KRTAP10-2: variants seen among roughly 807,000 people sequenced by gnomAD.
The protein encoded by KRTAP10-2 is keratin associated protein 10-2.
For synonymous variants in KRTAP10-2, 134 were observed against 135.5 expected, an observed-to-expected ratio of 0.99 and a Z score of 0.08; for missense variants, 295 against 319.5, an observed-to-expected ratio of 0.92 and a Z score of 0.58.
In KRTAP10-2 at chr21:44,550,698, C is replaced by T. The variant is rs782733313; in HGVS notation, c.761G>A (p.Ser254Asn). The T allele has an allele frequency of 6.2e-7, 1 of 1,613,756 alleles. No individual in the cohort carries two copies. Among genetic ancestry groups the T allele is most frequent in the Non-Finnish European group, 8.5e-7 (1 of 1,179,932 alleles). ...CCCTGGGGGACATGGCCATCAGCAG[C>T]TAGACTTTTGGCCTGAGGAAAAGCT... The part of the protein sequence containing the change: ...SCSFSSGQKS[S>N]C Residue 254 changes from serine (S) to asparagine (N), a missense_variant, in exon 1 of 1, where the codon AGC (serine) becomes AAC (asparagine). Transcript: ENST00000391621.
rs1555918800 is a variant in KRTAP10-2 at position 44,551,227 on chromosome 21, A to G, written c.232T>C (p.Ser78Pro). The change falls in exon 1 of 1, where the codon TCG (serine) becomes CCG (proline). Residue 78 changes from serine to proline, a missense_variant. Coordinates refer to ENST00000391621, the MANE Select transcript of KRTAP10-2 (RefSeq NM_198693.4). ...TGGCAGCTAGACTGCTGGCAGCACG[A>G]GGGCGTGCAGGAGCTGGTGCAGCCT... The part of the protein sequence containing the change: ...QSGCTSSCTP[S>P]CCQQSSCQPA... 1.2e-6 allele frequency: 2 copies of G among 1,613,998 alleles called. No homozygotes were observed. Among genetic ancestry groups the G allele is most frequent in the Non-Finnish European group, 8.5e-7 (1 of 1,179,944 alleles).
In KRTAP10-2 at chr21:44,550,602, G is replaced by C. The variant is rs587707666; in HGVS notation, c.*89C>G. The C allele has an allele frequency of 1.5e-4, 239 of 1,552,680 alleles. No homozygotes were observed. The highest frequency in any genetic ancestry group is 1.2e-3 in the Middle Eastern group (5 of 4,330). ...TGGCTGGGGCTGCTCCTTCTGTGCT[G>C]AGCTGTGCTGAGGCTGGGTGGGCTG... On this transcript the variant is annotated 3_prime_UTR_variant, in exon 1 of 1. Coordinates refer to ENST00000391621, the MANE Select transcript of KRTAP10-2 (RefSeq NM_198693.4).
Position 44,550,370 on chromosome 21 carries a change from G to A in KRTAP10-2, c.*321C>T, listed in dbSNP as rs587734157. ...CACGGAGTCAGCTGGGGCCGCAGAC[G>A]CTTTATTGGTGCTCAGAGGCAGAGG... On this transcript the variant is annotated 3_prime_UTR_variant, in exon 1 of 1. Coordinates refer to ENST00000391621, the MANE Select transcript of KRTAP10-2 (RefSeq NM_198693.4). 9.2e-5 allele frequency: 47 copies of A among 512,936 alleles called. No individual in the cohort carries two copies. In the East Asian group the frequency reaches 9.8e-4, roughly 11 times the overall value. The allele number at this position is 512,936 out of a possible 1,614,324, so 31.8% of individuals were successfully genotyped here. A position where few individuals can be genotyped will look rare whatever the true frequency, so the allele number is the denominator to read the frequency against.
intron 1 of KRTAP10-2, chr21:44,550,845 GC>G (rs1344832809): frequency 6.5e-7 from 1 of 1,530,192 alleles, no homozygotes; most frequent in African/African-American, 1.4e-5. Context: ...CGGAGAGGAA[GC>G]CCCAGAGCAA....
chr21:44,551,494 G>A lies in KRTAP10-2; in HGVS notation c.-36C>T, dbSNP rs782688337. 2 of 1,560,558 alleles carry A rather than the reference G, an allele frequency of 1.3e-6. No individual in the cohort carries two copies. The highest frequency in any genetic ancestry group is 2.5e-5 in the South Asian group (2 of 80,160). ...GGAGGAGGTGAGCTGGGGGAGGTGTGTGAGTGAGTGAGTGTGTGTGTGAGT... is the reference window on the plus strand; with the variant it reads ...GGAGGAGGTGAGCTGGGGGAGGTGTATGAGTGAGTGAGTGTGTGTGTGAGT... On this transcript the variant is annotated 5_prime_UTR_variant, in exon 1 of 1. Coordinates refer to ENST00000391621, the MANE Select transcript of KRTAP10-2 (RefSeq NM_198693.4).
chr21:44,550,395 G>A lies in KRTAP10-2; in HGVS notation c.*296C>T. ...GCTTTATTGGTGCTCAGAGGCAGAG[G>A]GTGACGCTCCTGGGGGTGAGACCCA... On this transcript the variant is annotated 3_prime_UTR_variant, in exon 1 of 1. Transcript: ENST00000391621. 1.7e-6 allele frequency: 1 copy of A among 585,218 alleles called. No individual in the cohort carries two copies. The highest frequency in any genetic ancestry group is 3.1e-6 in the Non-Finnish European group (1 of 321,042). 36.3% of individuals were successfully genotyped at this position (585,218 alleles called of 1,614,324 possible). A position where few individuals can be genotyped will look rare whatever the true frequency, so the allele number is the denominator to read the frequency against.
rs2053399985 is a variant in KRTAP10-2, at chr21:44,550,675, C to G, written c.*16G>C. ...AGGTGGGGCCTGAGCCCGGCTGGCCCTGGGGGACATGGCCATCAGCAGCTA... is the reference window on the plus strand; with the variant it reads ...AGGTGGGGCCTGAGCCCGGCTGGCCGTGGGGGACATGGCCATCAGCAGCTA... On this transcript the variant is annotated 3_prime_UTR_variant, in exon 1 of 1. Coordinates refer to ENST00000391621, the MANE Select transcript of KRTAP10-2 (RefSeq NM_198693.4). The G allele has an allele frequency of 6.2e-7, 1 of 1,612,442 alleles. No homozygotes were observed. The highest frequency in any genetic ancestry group is 1.3e-5 in the African/African-American group (1 of 74,896).
At position 44,551,105 on chromosome 21, in the gene KRTAP10-2, A is replaced by G. The variant is rs1321019979; in HGVS notation, c.354T>C (p.Ser118=). Residue 118 remains serine (S), a synonymous_variant, in exon 1 of 1, where the codon TCT becomes TCC. Transcript: ENST00000391621. The part of the protein sequence containing the change: ...VCCVPVCCGA[S]SCCQQSSCQP... ...GGCAGCTAGACTGCTGGCAGCATGA[A>G]GAAGCCCCACAGCAGACGGGCACAC... The G allele has an allele frequency of 3.9e-6, 6 of 1,542,558 alleles. No homozygotes were observed. The highest frequency in any genetic ancestry group is 5.3e-6 in the Non-Finnish European group (6 of 1,127,740).
At position 44,551,474 on chromosome 21, in the gene KRTAP10-2, A is replaced by T. The variant is rs456478; in HGVS notation, c.-16T>A. 1.3e-6 allele frequency: 2 copies of T among 1,585,304 alleles called. No homozygotes were observed. ...AGGCGGCCATGCTGGAGTGGGGAGG[A>T]GGTGAGCTGGGGGAGGTGTGTGAGT... On this transcript the variant is annotated 5_prime_UTR_variant, in exon 1 of 1. Transcript: ENST00000391621.
At position 44,550,992 on chromosome 21, in the gene KRTAP10-2, G is replaced by C; in HGVS notation, c.467C>G (p.Ser156Cys). ...CTGGCAGCATGAAGAGGATGACTCA[G>C]AGCAGGTGGGCACGCAGCACACAGC... ...CKAVCCVPTCSESSSSCCQQS... is the reference protein window; with the variant it reads ...CKAVCCVPTCCESSSSCCQQS... The change falls in exon 1 of 1, where the codon TCT becomes TGT. Residue 156 changes from serine (S) to cysteine (C), a missense_variant. Coordinates refer to ENST00000391621, the MANE Select transcript of KRTAP10-2 (RefSeq NM_198693.4). The C allele has an allele frequency of 1.2e-6, 2 of 1,609,846 alleles. No homozygotes were observed. The highest frequency in any genetic ancestry group is 2.2e-5 in the East Asian group (1 of 44,642).
Position 44,550,478 on chromosome 21 carries a change from C to T in KRTAP10-2, c.*213G>A, listed in dbSNP as rs1555918383. The T allele has an allele frequency of 2.6e-6, 2 of 774,938 alleles. No homozygotes were observed. Among genetic ancestry groups the T allele is most frequent in the South Asian group, 1.9e-5 (1 of 53,384 alleles). The allele number at this position is 774,938 out of a possible 1,614,324, so 48.0% of individuals were successfully genotyped here. Reference sequence around the variant, plus strand: ...GCGACCAGCGGAGGGTTGTGGTCTGCAGCCAGGAAGCACCGTGAGGAGAAG... The same window carrying T: ...GCGACCAGCGGAGGGTTGTGGTCTGTAGCCAGGAAGCACCGTGAGGAGAAG... On this transcript the variant is annotated 3_prime_UTR_variant, in exon 1 of 1. Coordinates refer to ENST00000391621, the MANE Select transcript of KRTAP10-2 (RefSeq NM_198693.4).
Position 44,551,360 on chromosome 21 carries a change from G to T in KRTAP10-2, c.99C>A (p.Thr33=). 3 of 1,613,186 alleles carry T rather than the reference G, an allele frequency of 1.9e-6. No homozygotes were observed. Among genetic ancestry groups the T allele is most frequent in the South Asian group, 2.2e-5 (2 of 91,030 alleles). ...AGGGGGCTGGGGCACAGCAGCTGGG[G>T]GTGCCGCAGGGGAGCTCACAGCAGC... ...PESCCELPCG[T]PSCCAPAPCL... is the part of the protein sequence containing the mutation. The change falls in exon 1 of 1, where the codon ACC becomes ACA. Residue 33 remains threonine, a synonymous_variant. Transcript: ENST00000391621.
In KRTAP10-2 at chr21:44,551,291, G is replaced by A. The variant is rs1315884399; in HGVS notation, c.168C>T (p.Pro56=). The change falls in exon 1 of 1, where the codon CCC becomes CCT. Residue 56 remains proline (P), a synonymous_variant. Transcript: ENST00000391621. The stretch of plus-strand genomic sequence containing the variant: ...TGGGCTCACAGGCCGCCTGGCAGCA[G>A]GGGCTGGACACACAGCTCACTGGGG... The part of the protein sequence containing the change: ...VCTPVSCVSS[P]CCQAACEPSA... The A allele has an allele frequency of 1.2e-6, 2 of 1,613,400 alleles. No individual in the cohort carries two copies. The highest frequency in any genetic ancestry group is 1.7e-5 in the Admixed American group (1 of 59,996).
chr21:44,550,697 G>A lies in KRTAP10-2; in HGVS notation c.762C>T (p.Ser254=), dbSNP rs782045404. The A allele has an allele frequency of 1.9e-6, 3 of 1,613,660 alleles. No individual in the cohort carries two copies. The highest frequency in any genetic ancestry group is 2.7e-5 in the African/African-American group (2 of 74,924). ...GCCCTGGGGGACATGGCCATCAGCA[G>A]CTAGACTTTTGGCCTGAGGAAAAGC... The part of the protein sequence containing the change: ...SCSFSSGQKS[S]C Residue 254 remains serine (S), a synonymous_variant, in exon 1 of 1, where the codon AGC becomes AGT. Transcript: ENST00000391621.
rs782280768 is a variant in KRTAP10-2, at chr21:44,551,304, C to G, written c.155G>C (p.Cys52Ser). Residue 52 changes from cysteine (C) to serine (S), a missense_variant, in exon 1 of 1, where the codon TGT (cysteine) becomes TCT (serine). Coordinates refer to ENST00000391621, the MANE Select transcript of KRTAP10-2 (RefSeq NM_198693.4). The part of the protein sequence containing the change: ...CLTLVCTPVS[C>S]VSSPCCQAAC... ...CGCCTGGCAGCAGGGGCTGGACACA[C>G]AGCTCACTGGGGTGCAGACCAGGGT... The G allele has an allele frequency of 3.9e-5, 63 of 1,613,296 alleles. No individual in the cohort carries two copies. The highest frequency in any genetic ancestry group is 4.0e-5 in the Non-Finnish European group (47 of 1,179,938).
rs587750879 is a variant in KRTAP10-2 at position 44,551,280 on chromosome 21, G to A, written c.179C>T (p.Ala60Val). 17 of 1,613,438 alleles carry A rather than the reference G, an allele frequency of 1.1e-5. No individual in the cohort carries two copies. Among genetic ancestry groups the A allele is most frequent in the South Asian group, 9.9e-5 (9 of 91,040 alleles). The change falls in exon 1 of 1, where the codon GCG (alanine) becomes GTG (valine). Residue 60 changes from alanine (A) to valine (V), a missense_variant. Physicochemically the swap from Ala to Val is moderately conservative, Grantham distance 64 (BLOSUM62 0). Coordinates refer to ENST00000391621, the MANE Select transcript of KRTAP10-2 (RefSeq NM_198693.4). ...VSCVSSPCCQ[A>V]ACEPSACQSG... ...TTGGCAGGCGCTGGGCTCACAGGCCGCCTGGCAGCAGGGGCTGGACACACA... is the reference window on the plus strand; with the variant it reads ...TTGGCAGGCGCTGGGCTCACAGGCCACCTGGCAGCAGGGGCTGGACACACA...
chr21:44,550,785 C>G lies in KRTAP10-2; in HGVS notation c.674G>C (p.Cys225Ser), dbSNP rs587620289. The G allele has an allele frequency of 6.2e-7, 1 of 1,614,234 alleles. No individual in the cohort carries two copies. The highest frequency in any genetic ancestry group is 1.7e-5 in the Admixed American group (1 of 60,032). The change falls in exon 1 of 1, where the codon TGC becomes TCC. Residue 225 changes from cysteine to serine, a missense_variant. Physicochemically the swap from Cys to Ser is moderately radical, Grantham distance 112. Coordinates refer to ENST00000391621, the MANE Select transcript of KRTAP10-2 (RefSeq NM_198693.4). ...CQPACCTSSCCRPSSSVSLLC... is the reference protein window; with the variant it reads ...CQPACCTSSCSRPSSSVSLLC... ...GAGGGACACAGAGGAGGAGGGTCTG[C>G]AGCAGGAGGAGGTGCAGCAAGCTGG...
In KRTAP10-2 at chr21:44,550,524, G is replaced by T; in HGVS notation, c.*167C>A. Reference sequence around the variant, plus strand: ...AGAAGCCAGGGCTCGCCCGCCCGGCGGGAGGTCAGAGAGGAGCCAGTGAGC... The same window carrying T: ...AGAAGCCAGGGCTCGCCCGCCCGGCTGGAGGTCAGAGAGGAGCCAGTGAGC... On this transcript the variant is annotated 3_prime_UTR_variant, in exon 1 of 1. Coordinates refer to ENST00000391621, the MANE Select transcript of KRTAP10-2 (RefSeq NM_198693.4). 9.5e-7 allele frequency: 1 copy of T among 1,051,392 alleles called. No individual in the cohort carries two copies. The highest frequency in any genetic ancestry group is 1.4e-6 in the Non-Finnish European group (1 of 730,422). 65.1% of individuals were successfully genotyped at this position (1,051,392 alleles called of 1,614,324 possible). A position where few individuals can be genotyped will look rare whatever the true frequency, so the allele number is the denominator to read the frequency against.
rs782461464 is a variant in KRTAP10-2, at chr21:44,550,711, C to A, written c.748G>T (p.Gly250Cys). The change falls in exon 1 of 1, where the codon GGC (glycine) becomes TGC (cysteine). Residue 250 changes from glycine (G) to cysteine (C), a missense_variant. Physicochemically the swap from Gly to Cys is radical, Grantham distance 159. Transcript: ENST00000391621. Reference sequence around the variant, plus strand: ...GGCCATCAGCAGCTAGACTTTTGGCCTGAGGAAAAGCTGCAGGAGGCTGGG... The same window carrying A: ...GGCCATCAGCAGCTAGACTTTTGGCATGAGGAAAAGCTGCAGGAGGCTGGG... ...SRPASCSFSS[G>C]QKSSC 2 of 1,613,966 alleles carry A rather than the reference C, an allele frequency of 1.2e-6. No homozygotes were observed. The highest frequency in any genetic ancestry group is 1.1e-5 in the South Asian group (1 of 91,078).
Sources: allele counts gnomAD v4.1 joint callset, GRCh38; gene constraint gnomAD v4.1.1; transcripts MANE v1.5; gene names NCBI Gene and HGNC (gene_info 2026-07-23, HGNC 2026-07-21).